The following IFT80 variants were observed in gnomAD, a reference collection of about 807,000 sequenced individuals.
IFT80 encodes intraflagellar transport 80.
A neutral mutation model predicts 107.9 loss-of-function variants in IFT80; 79 were observed. The observed-to-expected ratio is 0.73, with a 90% confidence interval of 0.61 to 0.88. The LOEUF is 0.88. Among genes scored for constraint, IFT80 ranks in the 40% least tolerant of loss-of-function variants. The pLI, the probability that IFT80 is intolerant of heterozygous loss-of-function variation, is 0.00. For synonymous variants in IFT80, 299 were observed against 300.9 expected (o/e 0.99, Z 0.07); for missense variants, 797 against 914.2 (o/e 0.87, Z 1.65).
chr3:160,271,493 C>T (rs2108215235), intron 18 of IFT80, among the ~76,000 whole-genome samples: 1 of 152,178 alleles, frequency 6.6e-6, no homozygotes, highest in Non-Finnish European at 1.5e-5. Context: ...TAGTTTCTAC[C>T]TCTCTTAACT....
Position 160,279,206 on chromosome 3 carries a change from CAA to C in IFT80, c.1821_1822del (p.Cys608SerfsTer4). The C allele has an allele frequency of 6.2e-7, 1 of 1,613,230 alleles. No homozygotes were observed. Among genetic ancestry groups the C allele is most frequent in the Non-Finnish European group, 8.5e-7 (1 of 1,179,368 alleles). On this transcript the variant is annotated frameshift_variant, in exon 16 of 20. Transcript: ENST00000326448. LOFTEE classifies it high-confidence loss of function. ...AATGTAAATTACCTTAACAAAGCGA[CAA>C]AGTCTCACAGCATCTTCCCATTTTG...
At chr3:160,258,769 T>G in intron 19 of IFT80, 134 bp from the exon 20 acceptor site, 2 of 1,207,670 alleles carry the variant, frequency 1.7e-6, no homozygotes, top group South Asian at 2.9e-5. Context: ...CATCAAAAGA[T>G]TAGAGAAAAA....
chr3:160,294,658 C>T (rs906504885), intron 12 of IFT80, among the ~76,000 whole-genome samples: 1 of 152,154 alleles, frequency 6.6e-6, no homozygotes, highest in Non-Finnish European at 1.5e-5. Flanking sequence ...AAATTTGTGG[C>T]CTTATTGTAA....
At position 160,381,421 on chromosome 3, in the gene IFT80, T is replaced by C. The variant is rs553879951; in HGVS notation, c.259+82A>G. On this transcript the variant is annotated intron_variant, in intron 3 of 19. Coordinates refer to ENST00000326448, the MANE Select transcript of IFT80 (RefSeq NM_020800.3). ...TATGCAGATCCACAAATACCAGTTT[T>C]GTAAAACAACTCAAAGCATAAATCA... 16 of 1,074,488 alleles carry C rather than the reference T, an allele frequency of 1.5e-5. No homozygotes were observed. The South Asian group carries it at 2.1e-4, about 14-fold the overall frequency. The allele number at this position is 1,074,488 out of a possible 1,614,324, so 66.6% of individuals were successfully genotyped here.
chr3:160,355,949 ATG>A, intron 8 of IFT80, 62 bp downstream of exon 8: 1 of 1,560,218 alleles, frequency 6.4e-7, no homozygotes. Context: ...ACTGAGAACC[ATG>A]TGTGTTGTGC....
chr3:160,383,786 G>C, intron 2 of IFT80: 3 of 985,368 alleles, frequency 3.0e-6, no homozygotes, highest in Non-Finnish European at 2.4e-6. Flanking sequence ...TCATGTGTTT[G>C]AGAAAATATT....
At chr3:160,293,002 A>G (rs1170970328) in intron 12 of IFT80, among the ~76,000 whole-genome samples, 1 of 152,198 alleles carries the variant, frequency 6.6e-6, no homozygotes, top group Non-Finnish European at 1.5e-5. Flanking sequence ...TAGGTTTAAT[A>G]GTGAATGCAG....
chr3:160,271,302 T>G (rs1019219601), intron 18 of IFT80, among the ~76,000 whole-genome samples: 2 of 152,168 alleles, frequency 1.3e-5, no homozygotes, highest in Non-Finnish European at 2.9e-5. Context: ...TGACATTAGA[T>G]TCTAAGGCTG....
At chr3:160,341,302 C>A (rs1213648075) in intron 8 of IFT80, among the ~76,000 whole-genome samples, 1 of 150,322 alleles carries the variant, frequency 6.7e-6, no homozygotes, top group East Asian at 2.0e-4. Context: ...ACGTAGTTTG[C>A]GATTTGTGGT....
At chr3:160,384,731 A>C in intron 1 of IFT80, 85 bp from the exon 2 acceptor site, 1 of 1,004,832 alleles carries the variant, frequency 1.0e-6, no homozygotes, top group Non-Finnish European at 1.5e-6. Context: ...ACAAAACATC[A>C]TTGCACCCCA....
chr3:160,297,267 A>C (rs1387196115), intron 12 of IFT80, among the ~76,000 whole-genome samples: 1 of 152,140 alleles, frequency 6.6e-6, no homozygotes, highest in African/African-American at 2.4e-5. Flanking sequence ...AAGAAAAAAA[A>C]CAAGAAGATT....
At chr3:160,366,795 G>A (rs1721899594) in intron 5 of IFT80, among the ~76,000 whole-genome samples, 1 of 151,814 alleles carries the variant, frequency 6.6e-6, no homozygotes, top group Non-Finnish European at 1.5e-5. Flanking sequence ...ATCCTCTCAA[G>A]CATTTTTCCT....
At chr3:160,341,322 C>T (rs1559949457) in intron 8 of IFT80, among the ~76,000 whole-genome samples, 3 of 147,758 alleles carry the variant, frequency 2.0e-5, no homozygotes, top group Admixed American at 6.8e-5. Context: ...TTTTGGCTTT[C>T]AAGGACTTAT....
chr3:160,300,150 A>T (rs1258336280), intron 12 of IFT80, among the ~76,000 whole-genome samples: 3 of 152,124 alleles, frequency 2.0e-5, no homozygotes, highest in African/African-American at 7.2e-5. Context: ...ACCCTGCGCT[A>T]GTTTTCTTCA....
At chr3:160,288,835 G>C (rs1715309448) in intron 12 of IFT80, among the ~76,000 whole-genome samples, 1 of 152,138 alleles carries the variant, frequency 6.6e-6, no homozygotes. Flanking sequence ...GTGGAGAAAA[G>C]GGAATAGTTT....
chr3:160,277,421 T>C lies in IFT80; in HGVS notation c.1984A>G (p.Met662Val). Residue 662 changes from methionine to valine, a missense_variant, in exon 18 of 20, where the codon ATG (methionine) becomes GTG (valine). Transcript: ENST00000326448. ...IKNLPSKESK[M>V]AHILLFSGNI... ...CCACTAAACAGTAGTATGTGGGCCA[T>C]TTTTGATTCTTTAGATGGAAGATTT... 1 of 1,611,612 alleles carries C rather than the reference T, an allele frequency of 6.2e-7. No individual in the cohort carries two copies. The highest frequency in any genetic ancestry group is 1.1e-5 in the South Asian group (1 of 91,010).
chr3:160,315,082 AGGG>A, intron 9 of IFT80, among the ~76,000 whole-genome samples: 1 of 46,698 alleles, frequency 2.1e-5, no homozygotes, highest in South Asian at 7.9e-4. Context: ...GGAGGGAGGG[AGGG>A]AGGGAAAAAG....
At chr3:160,317,173 C>CTCAATAAT (rs1409065712) in intron 9 of IFT80, among the ~76,000 whole-genome samples, 2 of 151,990 alleles carry the variant, frequency 1.3e-5, no homozygotes, top group African/African-American at 2.4e-5. Context: ...GTAGGGATCA[C>CTCAATAAT]TCAATAGATA....
intron 8 of IFT80, among the ~76,000 whole-genome samples, chr3:160,344,177 TG>T (rs1439481193): frequency 6.6e-6 from 1 of 152,216 alleles, no homozygotes; most frequent in Non-Finnish European, 1.5e-5. Flanking sequence ...TTTGCATTTC[TG>T]GGGGTATGTA....
Sources: gnomAD v4.1 joint callset for allele counts (sites outside exome capture counted in the v4.1 genomes callset) on GRCh38, gnomAD v4.1.1 for gene constraint, MANE v1.5 for transcripts, NCBI Gene and HGNC (gene_info 2026-07-23, HGNC 2026-07-21) for gene names.